Variants in ANKDD1B observed in about 807,000 individuals in gnomAD.
ANKDD1B encodes the protein ankyrin repeat and death domain-containing protein 1B.
A neutral mutation model predicts 59.7 loss-of-function variants in ANKDD1B; 57 were observed. The ratio of observed to expected loss-of-function variants is 0.95; its 90% CI spans 0.77 to 1.19. The LOEUF (loss-of-function observed/expected upper bound fraction) is 1.19. ANKDD1B is among the 50% of genes most tolerant of loss of function. ANKDD1B has a pLI of 0.00. For missense variants in ANKDD1B, 602 were observed against 641.9 expected, an observed-to-expected ratio of 0.94 and a Z score of 0.67; for synonymous variants, 216 against 239.5, an observed-to-expected ratio of 0.90 and a Z score of 0.91.
In ANKDD1B at chr5:75,625,843, C is replaced by T; in HGVS notation, c.496-8C>T. On this transcript the variant is annotated splice_region_variant and splice_polypyrimidine_tract_variant and intron_variant, in intron 4 of 13. Transcript: ENST00000601380. Reference sequence around the variant, plus strand: ...CTGTCTATCTCCCCCACCCCTGGTTCTCTTCAGGATGGAATGAGCGCCCTC... The same window carrying T: ...CTGTCTATCTCCCCCACCCCTGGTTTTCTTCAGGATGGAATGAGCGCCCTC... 1 of 1,534,922 alleles carries T rather than the reference C, an allele frequency of 6.5e-7. No homozygotes were observed. Among genetic ancestry groups the T allele is most frequent in the Non-Finnish European group, 8.7e-7 (1 of 1,145,588 alleles).
intron 3 of ANKDD1B, among the ~76,000 whole-genome samples, chr5:75,621,222 T>C (rs1773838856): frequency 1.3e-5 from 2 of 152,208 alleles, no homozygotes; most frequent in Admixed American, 6.5e-5. Flanking sequence ...CTACCTTCTC[T>C]GTTCTATAGG....
chr5:75,621,514 C>T (rs182422500), intron 3 of ANKDD1B, among the ~76,000 whole-genome samples: 16 of 151,680 alleles, frequency 1.1e-4, no homozygotes, highest in East Asian at 7.7e-4. Flanking sequence ...AGTAAGTGTA[C>T]GTTCCATGCA....
intron 8 of ANKDD1B, among the ~76,000 whole-genome samples, chr5:75,653,552 G>A (rs16872706): frequency 0.038 from 5,772 of 152,204 alleles, 344 homozygotes; most frequent in African/African-American, 0.13. Context: ...AATTTTATTA[G>A]TCTGGGAAAA....
At chr5:75,652,333 C>A (rs551862907) in intron 7 of ANKDD1B, among the ~76,000 whole-genome samples, 1 of 152,258 alleles carries the variant, frequency 6.6e-6, no homozygotes, top group Admixed American at 6.5e-5. Flanking sequence ...GGCTCTGACA[C>A]TTTTATGGGA....
chr5:75,630,160 A>G (rs1157574653), intron 5 of ANKDD1B, among the ~76,000 whole-genome samples: 1 of 152,082 alleles, frequency 6.6e-6, no homozygotes, highest in Non-Finnish European at 1.5e-5. Flanking sequence ...TGCCCTGGAT[A>G]GAGGCCTATT....
intron 6 of ANKDD1B, chr5:75,635,261 C>T (rs534895664): frequency 3.1e-6 from 1 of 318,006 alleles, no homozygotes; most frequent in South Asian, 5.6e-5. Context: ...TCAACTCCAC[C>T]CCTCTTCTCT....
chr5:75,637,219 T>G (rs1473047406), intron 7 of ANKDD1B, among the ~76,000 whole-genome samples: 2 of 113,760 alleles, frequency 1.8e-5, no homozygotes, highest in Non-Finnish European at 3.3e-5. Context: ...CACCTGAGCC[T>G]GGGCGACAGA....
chr5:75,657,681 G>A (rs1275421647), intron 9 of ANKDD1B, among the ~76,000 whole-genome samples: 1 of 152,132 alleles, frequency 6.6e-6, no homozygotes, highest in Non-Finnish European at 1.5e-5. Context: ...GGCTGAGGCG[G>A]GCGGATCATG....
intron 7 of ANKDD1B, among the ~76,000 whole-genome samples, 161 bp from the exon 8 acceptor site, chr5:75,652,981 G>A (rs1477122498): frequency 6.6e-6 from 1 of 152,176 alleles, no homozygotes; most frequent in African/African-American, 2.4e-5. Context: ...GTAATCTTAT[G>A]GGACCACTTC....
At chr5:75,659,513 A>G (rs1001785900) in intron 10 of ANKDD1B, 132 bp downstream of exon 10, 1 of 694,114 alleles carries the variant, frequency 1.4e-6, no homozygotes, top group African/African-American at 1.8e-5. Context: ...ATGCATCTTC[A>G]TAGTCAGTAA....
At chr5:75,615,014 T>A (rs1206916155) in intron 1 of ANKDD1B, among the ~76,000 whole-genome samples, 1 of 152,194 alleles carries the variant, frequency 6.6e-6, no homozygotes, top group Non-Finnish European at 1.5e-5. Flanking sequence ...TTTTTAAAAT[T>A]ACTTAGTGTC....
Position 75,611,765 on chromosome 5 carries a change from C to T in ANKDD1B, c.131C>T (p.Ser44Phe). Residue 44 changes from serine to phenylalanine, a missense_variant, in exon 1 of 14, where the codon TCC becomes TTC. Physicochemically the swap from Ser to Phe is radical, Grantham distance 155. Transcript: ENST00000601380. ...GCCGCCCTGCCTTGGAGGAGCCTGT[C>T]CCGGATCCCGAAGCGGGAGGGTCTT... ...GAAALPWRSL[S>F]RIPKREGLGE... 1 of 1,231,950 alleles carries T rather than the reference C, an allele frequency of 8.1e-7. No individual in the cohort carries two copies. Among genetic ancestry groups the T allele is most frequent in the Non-Finnish European group, 1.0e-6 (1 of 988,084 alleles). 76.3% of individuals were successfully genotyped at this position (1,231,950 alleles called of 1,614,324 possible). A position where few individuals can be genotyped will look rare whatever the true frequency, so the allele number is the denominator to read the frequency against.
At chr5:75,634,220 A>G (rs776622731) in intron 5 of ANKDD1B, among the ~76,000 whole-genome samples, 5 of 152,252 alleles carry the variant, frequency 3.3e-5, no homozygotes, top group Admixed American at 6.5e-5. Context: ...GAAAAGTAGG[A>G]GGAATTCCAT....
chr5:75,642,445 G>A (rs1774499274), intron 7 of ANKDD1B, among the ~76,000 whole-genome samples: 1 of 143,296 alleles, frequency 7.0e-6, no homozygotes, highest in Admixed American at 6.9e-5. Context: ...GAAGCGCAAG[G>A]GGTCAGGGAG....
At chr5:75,670,664 T>C (rs928104106) in intron 13 of ANKDD1B, among the ~76,000 whole-genome samples, 12 of 152,220 alleles carry the variant, frequency 7.9e-5, no homozygotes, top group African/African-American at 2.9e-4. Flanking sequence ...TTAAATGTAT[T>C]CTTCCTATGA....
At position 75,611,579 on chromosome 5, in the gene ANKDD1B, T is replaced by C. The variant is rs942499962; in HGVS notation, c.-56T>C. 3.7e-6 allele frequency: 4 copies of C among 1,084,226 alleles called. No homozygotes were observed. In the African/African-American group the frequency reaches 5.0e-5, roughly 14 times the overall value. The allele number at this position is 1,084,226 out of a possible 1,614,324, so 67.2% of individuals were successfully genotyped here. A position where few individuals can be genotyped will look rare whatever the true frequency, so the allele number is the denominator to read the frequency against. On this transcript the variant is annotated 5_prime_UTR_variant, in exon 1 of 14. Transcript: ENST00000601380. ...CTGGATCTGTGTCCGAGTCTGGGTCTGGATCTGGGTCCGAGTCTGGGTCTG... is the reference window on the plus strand; with the variant it reads ...CTGGATCTGTGTCCGAGTCTGGGTCCGGATCTGGGTCCGAGTCTGGGTCTG...
chr5:75,611,538 C>G lies in ANKDD1B; in HGVS notation c.-97C>G. 2 of 1,053,330 alleles carry G rather than the reference C, an allele frequency of 1.9e-6. No individual in the cohort carries two copies. The highest frequency in any genetic ancestry group is 1.2e-6 in the Non-Finnish European group (1 of 826,232). The allele number at this position is 1,053,330 out of a possible 1,614,324, so 65.2% of individuals were successfully genotyped here. ...CCTGCCTGCGTCCAGCCCCCGCGCC[C>G]TGGGCCTGCCTGGGTCTGGATCTGT... On this transcript the variant is annotated 5_prime_UTR_variant, in exon 1 of 14. Coordinates refer to ENST00000601380, the MANE Select transcript of ANKDD1B (RefSeq NM_001276713.2).
chr5:75,661,146 C>T (rs1385486019), intron 10 of ANKDD1B, among the ~76,000 whole-genome samples: 2 of 150,856 alleles, frequency 1.3e-5, no homozygotes, highest in Non-Finnish European at 3.0e-5. Flanking sequence ...CACCTGTAAT[C>T]TCAGCACTTT....
Position 75,620,398 on chromosome 5 carries a change from G to A in ANKDD1B, c.381G>A (p.Val127=), listed in dbSNP as rs766599296. 26 of 1,531,686 alleles carry A rather than the reference G, an allele frequency of 1.7e-5. No individual in the cohort carries two copies. The Admixed American group carries it at 2.6e-4, about 15-fold the overall frequency. The allele number at this position is 1,531,686 out of a possible 1,614,324, so 94.9% of individuals were successfully genotyped here. Residue 127 remains valine (V), a synonymous_variant, in exon 3 of 14, where the codon GTG becomes GTA. Transcript: ENST00000601380. Reference sequence around the variant, plus strand: ...TCTTGCTTAAACACAAGGCCAGGGTGGATGTTGCTGATAAGGTAAGCTCAT... The same window carrying A: ...TCTTGCTTAAACACAAGGCCAGGGTAGATGTTGCTGATAAGGTAAGCTCAT... ...VDFLLKHKAR[V]DVADKHGLTV...
Sources: allele counts gnomAD v4.1 joint callset (sites outside exome capture counted in the v4.1 genomes callset), GRCh38; gene constraint gnomAD v4.1.1; transcripts MANE v1.5; gene names NCBI Gene and HGNC (gene_info 2026-07-23, HGNC 2026-07-21).